CNTNAP2: variants seen among roughly 807,000 people sequenced by gnomAD.
CNTNAP2 encodes contactin associated protein 2, also known as contactin-associated protein-like 2.
CNTNAP2 carries 98 observed loss-of-function variants against 155.2 expected under a neutral mutation model. The ratio of observed to expected loss-of-function variants is 0.63; its 90% CI spans 0.54 to 0.75. CNTNAP2 has a LOEUF of 0.75. Among genes scored for constraint, CNTNAP2 ranks in the 30% least tolerant of loss-of-function variants. The pLI, the probability that CNTNAP2 is intolerant of heterozygous loss-of-function variation, is 0.00. For synonymous variants in CNTNAP2, 651 were observed against 631.2 expected (o/e 1.03, Z -0.47); for missense variants, 1,727 against 1,688.1 (o/e 1.02, Z -0.40).
rs775105504 is a variant in CNTNAP2, at chr7:148,217,319, G to T, written c.3042G>T (p.Trp1014Cys). 4.3e-6 allele frequency: 7 copies of T among 1,613,928 alleles called. No homozygotes were observed. The highest frequency in any genetic ancestry group is 5.9e-6 in the Non-Finnish European group (7 of 1,179,970). The change falls in exon 19 of 24, where the codon TGG (tryptophan) becomes TGT (cysteine). Residue 1014 changes from tryptophan (W) to cysteine (C), a missense_variant. Coordinates refer to ENST00000361727, the MANE Select transcript of CNTNAP2 (RefSeq NM_014141.6). ...DVGAFFEEGM[W>C]LRYNFQAPAT... is the part of the protein sequence containing the mutation. Reference sequence around the variant, plus strand: ...GTGCATTTTTTGAAGAAGGGATGTGGCTACGATATAACTTTCAGGCACCAG... The same window carrying T: ...GTGCATTTTTTGAAGAAGGGATGTGTCTACGATATAACTTTCAGGCACCAG...
At chr7:147,964,084 C>A (rs1216686550) in intron 14 of CNTNAP2, among the ~76,000 whole-genome samples, 2 of 151,946 alleles carry the variant, frequency 1.3e-5, no homozygotes, top group South Asian at 4.2e-4. Context: ...GGCCTTAATG[C>A]GATGGGGGTG....
chr7:148,411,047 C>A (rs1799823196), intron 23 of CNTNAP2, among the ~76,000 whole-genome samples: 1 of 152,104 alleles, frequency 6.6e-6, no homozygotes, highest in Non-Finnish European at 1.5e-5. Context: ...GAAGATTTAA[C>A]AAGCTGTAGC....
chr7:146,936,921 T>G (rs1796928021), intron 3 of CNTNAP2, among the ~76,000 whole-genome samples: 1 of 152,148 alleles, frequency 6.6e-6, no homozygotes, highest in Non-Finnish European at 1.5e-5. Flanking sequence ...TTCACGAAGG[T>G]TTCATTGCTT....
intron 3 of CNTNAP2, among the ~76,000 whole-genome samples, chr7:146,870,656 T>G (rs1172655251): frequency 1.3e-5 from 2 of 152,194 alleles, no homozygotes; most frequent in Non-Finnish European, 2.9e-5. Context: ...CAAACTAACT[T>G]AAAGATACTA....
chr7:147,803,404 C>G (rs1161572409), intron 13 of CNTNAP2, among the ~76,000 whole-genome samples: 1 of 152,174 alleles, frequency 6.6e-6, no homozygotes, highest in African/African-American at 2.4e-5. Context: ...TTGTGGGTCA[C>G]TCTGCCCGTG....
chr7:148,379,933 A>G (rs1335282641), intron 21 of CNTNAP2, among the ~76,000 whole-genome samples: 2 of 152,238 alleles, frequency 1.3e-5, no homozygotes, highest in African/African-American at 4.8e-5. Flanking sequence ...GGAGCGGGAA[A>G]GCATGCTAAT....
At chr7:147,496,511 A>G (rs754437223) in intron 11 of CNTNAP2, 1 of 152,214 alleles carries the variant, frequency 6.6e-6, no homozygotes, top group Non-Finnish European at 1.5e-5. Context: ...TTACTAAATT[A>G]CTTCTCAATT....
chr7:146,921,645 C>T (rs1796500897), intron 3 of CNTNAP2, among the ~76,000 whole-genome samples: 1 of 152,048 alleles, frequency 6.6e-6, no homozygotes. Flanking sequence ...ACTACGAGAA[C>T]AGTATTGGGG....
At chr7:146,927,991 T>C (rs559103796) in intron 3 of CNTNAP2, among the ~76,000 whole-genome samples, 1 of 150,064 alleles carries the variant, frequency 6.7e-6, no homozygotes, top group East Asian at 1.9e-4. Context: ...TATATATATG[T>C]ATATGCATAT....
At chr7:146,667,211 A>G (rs1366881759) in intron 1 of CNTNAP2, among the ~76,000 whole-genome samples, 3 of 152,054 alleles carry the variant, frequency 2.0e-5, no homozygotes, top group Non-Finnish European at 1.5e-5. Context: ...ATACTCAGTT[A>G]TCCCAGTACC....
At chr7:146,471,691 T>A (rs925492879) in intron 1 of CNTNAP2, among the ~76,000 whole-genome samples, 1 of 152,274 alleles carries the variant, frequency 6.6e-6, no homozygotes, top group Admixed American at 6.5e-5. Flanking sequence ...ACTTCTCATG[T>A]AACACATATA....
chr7:148,258,506 T>C (rs1166126747), intron 20 of CNTNAP2, among the ~76,000 whole-genome samples: 1 of 152,184 alleles, frequency 6.6e-6, no homozygotes, highest in African/African-American at 2.4e-5. Flanking sequence ...GCCCTAGGCT[T>C]GTGTATACCC....
At chr7:147,185,498 C>T (rs534480515) in intron 8 of CNTNAP2, among the ~76,000 whole-genome samples, 36 of 152,122 alleles carry the variant, frequency 2.4e-4, no homozygotes, top group African/African-American at 8.0e-4. Flanking sequence ...ATTATACTAT[C>T]AGCAGTAGAA....
chr7:147,673,892 A>G (rs1584892634), intron 13 of CNTNAP2, among the ~76,000 whole-genome samples: 1 of 152,224 alleles, frequency 6.6e-6, no homozygotes. Flanking sequence ...AATTTTCAAT[A>G]CATGTTAAAT....
At chr7:148,033,266 G>A (rs945775814) in intron 15 of CNTNAP2, among the ~76,000 whole-genome samples, 2 of 151,838 alleles carry the variant, frequency 1.3e-5, no homozygotes, top group South Asian at 2.1e-4. Context: ...TAATTTAGAA[G>A]ATGTATCTCT....
chr7:147,379,569 T>C (rs1440665716), intron 9 of CNTNAP2, among the ~76,000 whole-genome samples: 1 of 152,108 alleles, frequency 6.6e-6, no homozygotes, highest in East Asian at 1.9e-4. Context: ...CAATAGTCAG[T>C]GTAAATTCAA....
intron 1 of CNTNAP2, among the ~76,000 whole-genome samples, chr7:146,698,559 T>C (rs1423438164): frequency 3.3e-5 from 5 of 152,152 alleles, no homozygotes; most frequent in African/African-American, 4.8e-5. Flanking sequence ...TCTTGTTTGA[T>C]TTTCTGCAGT....
intron 15 of CNTNAP2, among the ~76,000 whole-genome samples, chr7:147,986,088 T>C (rs1429211519): frequency 6.6e-6 from 1 of 152,154 alleles, no homozygotes. Context: ...TTCCCTACTA[T>C]TGTTCTGAAA....
chr7:147,708,668 T>C (rs1185331399), intron 13 of CNTNAP2, among the ~76,000 whole-genome samples: 1 of 152,132 alleles, frequency 6.6e-6, no homozygotes, highest in African/African-American at 2.4e-5. Flanking sequence ...TGGGGGTCAC[T>C]CACTTACCCT....
Sources: gnomAD v4.1 joint callset for allele counts (sites outside exome capture counted in the v4.1 genomes callset) on GRCh38, gnomAD v4.1.1 for gene constraint, MANE v1.5 for transcripts, NCBI Gene and HGNC (gene_info 2026-07-23, HGNC 2026-07-21) for gene names.